The following PPP1R37 variants were observed in gnomAD, a reference collection of about 807,000 sequenced individuals.
PPP1R37 encodes the protein leucine rich repeat containing 68.
Under a neutral mutation model 61.0 loss-of-function variants are expected in PPP1R37, and 21 were observed. The observed-to-expected ratio is 0.34, with a 90% CI of 0.24 to 0.50. The LOEUF (loss-of-function observed/expected upper bound fraction) is 0.50, where lower values mean the gene tolerates loss of function less well. Ranked by LOEUF, PPP1R37 falls within the 20% of genes least tolerant of loss-of-function variation. The pLI, the probability that PPP1R37 is intolerant of heterozygous loss-of-function variation, is 0.98. For synonymous variants in PPP1R37, 443 were observed against 433.5 expected, an observed-to-expected ratio of 1.02 and a Z score of -0.27; for missense variants, 910 against 952.7, an observed-to-expected ratio of 0.96 and a Z score of 0.59.
chr19:45,142,751 A>T, intron 7 of PPP1R37: 1 of 413,708 alleles, frequency 2.4e-6, no homozygotes, highest in Non-Finnish European at 4.4e-6. Flanking sequence ...GAATAATTAC[A>T]ATCTGAAAAG....
chr19:45,140,042 G>T (rs887671401), intron 2 of PPP1R37, among the ~76,000 whole-genome samples, 194 bp from the exon 3 acceptor site: 1 of 152,230 alleles, frequency 6.6e-6, no homozygotes, highest in Non-Finnish European at 1.5e-5. Context: ...TTGTGTGGGT[G>T]CAGAGTTCTC....
chr19:45,127,040 C>T (rs1052007968), intron 1 of PPP1R37, among the ~76,000 whole-genome samples: 2 of 152,112 alleles, frequency 1.3e-5, no homozygotes, highest in Non-Finnish European at 2.9e-5. Context: ...ATGTGAACAT[C>T]CTAGTGGACT....
chr19:45,141,099 A>G (rs917370470), intron 4 of PPP1R37, among the ~76,000 whole-genome samples: 1 of 152,154 alleles, frequency 6.6e-6, no homozygotes, highest in African/African-American at 2.4e-5. Flanking sequence ...TCAGTCAAGG[A>G]CTTTGGAGGG....
chr19:45,099,595 G>A (rs989412538), intron 1 of PPP1R37, among the ~76,000 whole-genome samples: 4 of 152,308 alleles, frequency 2.6e-5, no homozygotes, highest in Non-Finnish European at 5.9e-5. Flanking sequence ...ACTGTGACTC[G>A]CCGCTCTCCG....
chr19:45,095,210 C>T (rs1023298849), intron 1 of PPP1R37, among the ~76,000 whole-genome samples: 1 of 152,118 alleles, frequency 6.6e-6, no homozygotes, highest in Non-Finnish European at 1.5e-5. Flanking sequence ...ATTTTTTAGA[C>T]GGAGTCTCCC....
At chr19:45,129,776 C>G (rs2122740068) in intron 1 of PPP1R37, among the ~76,000 whole-genome samples, 1 of 152,340 alleles carries the variant, frequency 6.6e-6, no homozygotes, top group African/African-American at 2.4e-5. Context: ...CCCCAAACCC[C>G]TTTAGATGGG....
intron 1 of PPP1R37, chr19:45,108,904 G>A (rs1968166428): frequency 6.6e-6 from 1 of 152,240 alleles, no homozygotes; most frequent in South Asian, 2.1e-4. Context: ...GCCTCCCAAA[G>A]TCTGGGATGA....
chr19:45,104,522 C>T (rs1030468686), intron 1 of PPP1R37, among the ~76,000 whole-genome samples: 22 of 152,164 alleles, frequency 1.4e-4, no homozygotes, highest in South Asian at 2.1e-4. Context: ...TGCCAACCAG[C>T]GCCTGTTTTG....
At chr19:45,127,974 C>CAAAAAAAA (rs35001139) in intron 1 of PPP1R37, among the ~76,000 whole-genome samples, 1 of 61,864 alleles carries the variant, frequency 1.6e-5, no homozygotes, top group Non-Finnish European at 3.7e-5. Flanking sequence ...GACTCCATCT[C>CAAAAAAAA]AAAAAAAAAA....
chr19:45,124,686 C>T (rs998935688), intron 1 of PPP1R37, among the ~76,000 whole-genome samples: 21 of 152,028 alleles, frequency 1.4e-4, no homozygotes, highest in African/African-American at 4.6e-4. Flanking sequence ...GGGGACTGGG[C>T]TTGGTGGCTC....
chr19:45,140,703 T>A, intron 4 of PPP1R37, 97 bp downstream of exon 4: 1 of 885,776 alleles, frequency 1.1e-6, no homozygotes, highest in Non-Finnish European at 1.8e-6. Context: ...GGGGGTCCCC[T>A]AGACAAAGGC....
intron 1 of PPP1R37, among the ~76,000 whole-genome samples, chr19:45,122,114 C>G (rs1372067629): frequency 2.6e-5 from 4 of 152,172 alleles, no homozygotes; most frequent in Admixed American, 2.0e-4. Flanking sequence ...CTGTCCCTCC[C>G]CTGCCCCCCA....
At chr19:45,111,368 G>T (rs997730827) in intron 1 of PPP1R37, among the ~76,000 whole-genome samples, 3 of 151,992 alleles carry the variant, frequency 2.0e-5, no homozygotes, top group African/African-American at 7.3e-5. Context: ...TCTGCCTCCC[G>T]GGTTCAAGCA....
intron 1 of PPP1R37, among the ~76,000 whole-genome samples, chr19:45,112,782 G>A (rs1317349382): frequency 6.6e-6 from 1 of 152,244 alleles, no homozygotes; most frequent in African/African-American, 2.4e-5. Flanking sequence ...TGTCTTGGAC[G>A]CTGTTTCCAG....
At chr19:45,137,231 A>G (rs1599709373) in intron 1 of PPP1R37, among the ~76,000 whole-genome samples, 1 of 152,230 alleles carries the variant, frequency 6.6e-6, no homozygotes, top group African/African-American at 2.4e-5. Context: ...CCAAGCTCTA[A>G]TAGCCAAAAA....
At chr19:45,132,229 A>G (rs1336703957) in intron 1 of PPP1R37, among the ~76,000 whole-genome samples, 3 of 152,004 alleles carry the variant, frequency 2.0e-5, no homozygotes, top group Non-Finnish European at 4.4e-5. Flanking sequence ...ACCCCCACAT[A>G]CTTGTGTGCA....
chr19:45,145,434 G>C lies in PPP1R37; in HGVS notation c.1378G>C (p.Glu460Gln). Reference sequence around the variant, plus strand: ...CAAGCGCAACTTGGTGCTGGCGCGGGAGAGGGAGGAGAAGGAGCAGCCGCC... The same window carrying C: ...CAAGCGCAACTTGGTGCTGGCGCGGCAGAGGGAGGAGAAGGAGCAGCCGCC... ...GCKRNLVLAR[E>Q]REEKEQPPQL... The change falls in exon 11 of 13, where the codon GAG (glutamate) becomes CAG (glutamine). Residue 460 changes from glutamate to glutamine, a missense_variant. Glu to Gln is a conservative substitution (Grantham distance 29). Coordinates refer to ENST00000221462, the MANE Select transcript of PPP1R37 (RefSeq NM_019121.2). 1 of 1,535,364 alleles carries C rather than the reference G, an allele frequency of 6.5e-7. No homozygotes were observed. Among genetic ancestry groups the C allele is most frequent in the Non-Finnish European group, 8.7e-7 (1 of 1,146,640 alleles).
At chr19:45,144,763 G>A in intron 8 of PPP1R37, 91 bp from the exon 9 acceptor site, 1 of 1,146,618 alleles carries the variant, frequency 8.7e-7, no homozygotes, top group Non-Finnish European at 1.2e-6. Flanking sequence ...GCCCGGGCCT[G>A]GCTCTCTTCC....
At chr19:45,123,301 G>A (rs1467216731) in intron 1 of PPP1R37, among the ~76,000 whole-genome samples, 1 of 152,192 alleles carries the variant, frequency 6.6e-6, no homozygotes, top group Non-Finnish European at 1.5e-5. Context: ...GCCCAGCACT[G>A]GCACCTGTGA....
Sources: gnomAD v4.1 joint callset for allele counts (sites outside exome capture counted in the v4.1 genomes callset) on GRCh38, gnomAD v4.1.1 for gene constraint, MANE v1.5 for transcripts, NCBI Gene and HGNC (gene_info 2026-07-23, HGNC 2026-07-21) for gene names.